Variants in TSPAN13 observed in about 807,000 individuals in gnomAD.
TSPAN13 encodes tetraspanin 13.
A neutral mutation model predicts 26.9 loss-of-function variants in TSPAN13; 18 were observed. That is an observed-to-expected ratio of 0.67 (90% CI 0.46 to 0.99). The LOEUF (loss-of-function observed/expected upper bound fraction) is 0.99. TSPAN13 is among the 50% of genes least tolerant of loss of function. TSPAN13 has a pLI of 0.00. For missense variants in TSPAN13, 201 were observed against 249.6 expected, an observed-to-expected ratio of 0.81 and a Z score of 1.31; for synonymous variants, 116 against 98.4, an observed-to-expected ratio of 1.18 and a Z score of -1.06.
rs117827883 is a variant in TSPAN13 at position 16,781,637 on chromosome 7, C to T, written c.541-1780C>T. Among the ~76,000 whole-genome samples, 13 of 152,218 alleles carry T rather than the reference C, an allele frequency of 8.5e-5. No homozygotes were observed. The East Asian group carries it at 2.1e-3, about 25-fold the overall frequency. On this transcript the variant is annotated intron_variant, in intron 5 of 5. Coordinates refer to ENST00000262067, the MANE Select transcript of TSPAN13 (RefSeq NM_014399.4). ...ATACAATTCTGGTAAAATGTGGCTC[C>T]GGATTATGAGTATTTAGTTTGTTTG...
intron 1 of TSPAN13, among the ~76,000 whole-genome samples, chr7:16,769,347 C>T (rs984966967): frequency 4.6e-5 from 7 of 152,184 alleles, no homozygotes; most frequent in Non-Finnish European, 1.0e-4. Context: ...AGCATTTCTT[C>T]TTCATGGTTC....
chr7:16,754,138 C>T (rs1562514912), intron 1 of TSPAN13, 108 bp downstream of exon 1: 1 of 1,059,212 alleles, frequency 9.4e-7, no homozygotes, highest in Non-Finnish European at 1.3e-6. Flanking sequence ...CCCGCGCCCC[C>T]TTCCCGGCTT....
At chr7:16,756,765 C>T (rs905787762) in intron 1 of TSPAN13, among the ~76,000 whole-genome samples, 2 of 152,158 alleles carry the variant, frequency 1.3e-5, no homozygotes, top group African/African-American at 4.8e-5. Context: ...TTCACCTTCA[C>T]AGTATTCTAA....
intron 1 of TSPAN13, among the ~76,000 whole-genome samples, chr7:16,759,879 C>T (rs1005814096): frequency 1.1e-4 from 16 of 151,922 alleles, no homozygotes; most frequent in Non-Finnish European, 1.8e-4. Flanking sequence ...TTTGTAGAGA[C>T]GGGGTCTGTG....
At chr7:16,757,566 A>G (rs1316208737) in intron 1 of TSPAN13, among the ~76,000 whole-genome samples, 2 of 152,184 alleles carry the variant, frequency 1.3e-5, no homozygotes, top group African/African-American at 4.8e-5. Context: ...GACCAAACAT[A>G]TATTTACTGG....
chr7:16,763,359 G>C (rs1784567593), intron 1 of TSPAN13, among the ~76,000 whole-genome samples: 1 of 152,220 alleles, frequency 6.6e-6, no homozygotes, highest in South Asian at 2.1e-4. Flanking sequence ...ACAAGGTGAA[G>C]CTTGTGTGAA....
rs568765162 is a variant in TSPAN13, at chr7:16,779,917, G to A, written c.540+801G>A. Reference sequence around the variant, plus strand: ...CTCCTGAGTAGCTGGGACTACAGGCGCCCGCCACCACGCCCAGCTAATTTT... The same window carrying A: ...CTCCTGAGTAGCTGGGACTACAGGCACCCGCCACCACGCCCAGCTAATTTT... On this transcript the variant is annotated intron_variant, in intron 5 of 5. Transcript: ENST00000262067. 2.3e-4 allele frequency among the ~76,000 whole-genome samples: 34 copies of A among 149,498 alleles called. No individual in the cohort carries two copies. The South Asian group carries it at 4.9e-3, about 22-fold the overall frequency.
At chr7:16,754,055 C>A (rs202143229) in intron 1 of TSPAN13, 25 bp downstream of exon 1, 269 of 1,611,056 alleles carry the variant, frequency 1.7e-4, no homozygotes, top group Admixed American at 4.7e-4. Flanking sequence ...TCCGTTCCTG[C>A]TCGCTTGGGG....
intron 5 of TSPAN13, among the ~76,000 whole-genome samples, chr7:16,779,885 T>C (rs930822247): frequency 7.3e-5 from 11 of 151,342 alleles, no homozygotes; most frequent in Non-Finnish European, 1.3e-4. Context: ...TATTCTCCTG[T>C]CTCAGCCTCC....
At chr7:16,766,293 A>G (rs549979287) in intron 1 of TSPAN13, among the ~76,000 whole-genome samples, 2 of 152,340 alleles carry the variant, frequency 1.3e-5, no homozygotes, top group South Asian at 2.1e-4. Context: ...TATGATGTAC[A>G]GTTTCGCTGT....
rs544214167 is a variant in TSPAN13, at chr7:16,766,449, T to C, written c.64-9762T>C. Among the ~76,000 whole-genome samples the C allele has an allele frequency of 5.3e-5, 8 of 152,212 alleles. No individual in the cohort carries two copies. In the South Asian group the frequency reaches 1.7e-3, roughly 32 times the overall value. On this transcript the variant is annotated intron_variant, in intron 1 of 5. Transcript: ENST00000262067. The stretch of plus-strand genomic sequence containing the variant: ...TGCATCTAGGAGTTGGGCATGAAAA[T>C]GGGATAGGGCAGTGTCTTGGTTCAC...
chr7:16,768,496 G>T (rs1269972781), intron 1 of TSPAN13, among the ~76,000 whole-genome samples: 1 of 152,164 alleles, frequency 6.6e-6, no homozygotes, highest in Non-Finnish European at 1.5e-5. Context: ...ACCTCTTAGG[G>T]TTTTTGTGAA....
chr7:16,762,478 C>T (rs1450836966), intron 1 of TSPAN13, among the ~76,000 whole-genome samples: 6 of 152,122 alleles, frequency 3.9e-5, no homozygotes, highest in Non-Finnish European at 7.4e-5. Context: ...CCCTTCCCAT[C>T]TTGGGATTTG....
At chr7:16,760,869 A>G (rs775036138) in intron 1 of TSPAN13, among the ~76,000 whole-genome samples, 1 of 151,992 alleles carries the variant, frequency 6.6e-6, no homozygotes, top group Admixed American at 6.5e-5. Context: ...TATTTTTCTT[A>G]TAATCCTCTG....
chr7:16,769,051 C>G lies in TSPAN13; in HGVS notation c.64-7160C>G, dbSNP rs749814116. 3.3e-5 allele frequency among the ~76,000 whole-genome samples: 5 copies of G among 152,094 alleles called. 1 individual carries two copies. Among genetic ancestry groups the G allele is most frequent in the Non-Finnish European group, 7.4e-5 (5 of 68,014 alleles). On this transcript the variant is annotated intron_variant, in intron 1 of 5. Coordinates refer to ENST00000262067, the MANE Select transcript of TSPAN13 (RefSeq NM_014399.4). ...ATGTTGGCCAGGCTGGTCTCGAACT[C>G]CTGACCTCAAGTGATCATCCCGCCT...
chr7:16,764,738 A>G (rs1484447712), intron 1 of TSPAN13, among the ~76,000 whole-genome samples: 4 of 152,270 alleles, frequency 2.6e-5, no homozygotes, highest in South Asian at 4.2e-4. Context: ...ATGCATTGTA[A>G]TAGTGTCTTT....
chr7:16,755,503 T>C (rs1784472416), intron 1 of TSPAN13, among the ~76,000 whole-genome samples: 1 of 151,594 alleles, frequency 6.6e-6, no homozygotes, highest in South Asian at 2.1e-4. Flanking sequence ...CTTATCACCC[T>C]GGCTGTTTAT....
intron 1 of TSPAN13, among the ~76,000 whole-genome samples, chr7:16,755,248 C>T (rs1057039944): frequency 6.6e-6 from 1 of 152,182 alleles, no homozygotes; most frequent in African/African-American, 2.4e-5. Context: ...TGGTCACCAA[C>T]AGGAGAAGGA....
rs576957016 is a variant in TSPAN13, at chr7:16,765,515, G to A, written c.64-10696G>A. On this transcript the variant is annotated intron_variant, in intron 1 of 5. Coordinates refer to ENST00000262067, the MANE Select transcript of TSPAN13 (RefSeq NM_014399.4). ...TTTGCCATTGCCACTTTCTCTTGGC[G>A]TTTACTCGGGGGAGAAATGCCAGTT... Among the ~76,000 whole-genome samples, 20 of 152,246 alleles carry A rather than the reference G, an allele frequency of 1.3e-4. No homozygotes were observed. The South Asian group carries it at 2.9e-3, about 22-fold the overall frequency.
Sources: gnomAD v4.1 joint callset for allele counts (sites outside exome capture counted in the v4.1 genomes callset) on GRCh38, gnomAD v4.1.1 for gene constraint, MANE v1.5 for transcripts, NCBI Gene and HGNC (gene_info 2026-07-23, HGNC 2026-07-21) for gene names.